The following SLCO5A1 variants were observed in gnomAD, a reference collection of about 807,000 sequenced individuals.
The protein encoded by SLCO5A1 is organic anion transporter polypeptide-related protein 4.
A neutral mutation model predicts 65.1 loss-of-function variants in SLCO5A1; 39 were observed. That is an observed-to-expected ratio of 0.60 (90% CI 0.46 to 0.78). SLCO5A1 has a LOEUF of 0.78. SLCO5A1 is among the 30% of genes least tolerant of loss of function. The pLI is 0.00. For missense variants in SLCO5A1, 1,029 were observed against 1,069.4 expected, an observed-to-expected ratio of 0.96 and a Z score of 0.53; for synonymous variants, 438 against 415.7, an observed-to-expected ratio of 1.05 and a Z score of -0.65.
At chr8:69,745,784 G>A (rs1339006803) in intron 4 of SLCO5A1, among the ~76,000 whole-genome samples, 1 of 151,948 alleles carries the variant, frequency 6.6e-6, no homozygotes, top group Non-Finnish European at 1.5e-5. Flanking sequence ...AAATGTTAGT[G>A]GAATTTAGTA....
intron 8 of SLCO5A1, among the ~76,000 whole-genome samples, chr8:69,678,494 GCA>G (rs1354499896): frequency 6.6e-6 from 1 of 152,168 alleles, no homozygotes; most frequent in Non-Finnish European, 1.5e-5. Flanking sequence ...TTAGATGAAT[GCA>G]CACTTACACG....
At chr8:69,784,815 G>A (rs867461965) in intron 2 of SLCO5A1, among the ~76,000 whole-genome samples, 108 of 63,450 alleles carry the variant, frequency 1.7e-3, no homozygotes, top group African/African-American at 4.6e-3. Flanking sequence ...GAAAGAAAAA[G>A]AAAGAAAGAA....
At chr8:69,776,953 T>C (rs1032611535) in intron 2 of SLCO5A1, among the ~76,000 whole-genome samples, 7 of 152,204 alleles carry the variant, frequency 4.6e-5, no homozygotes, top group Non-Finnish European at 4.4e-5. Flanking sequence ...TGTCATACCC[T>C]GCTAGTGGGA....
intron 5 of SLCO5A1, among the ~76,000 whole-genome samples, chr8:69,716,805 G>A (rs1815562581): frequency 6.7e-6 from 1 of 149,848 alleles, no homozygotes; most frequent in Non-Finnish European, 1.5e-5. Context: ...TTTAAGACAG[G>A]GCCTTGCTCT....
chr8:69,791,624 C>T (rs1436792970), intron 2 of SLCO5A1, among the ~76,000 whole-genome samples: 1 of 152,196 alleles, frequency 6.6e-6, no homozygotes, highest in Non-Finnish European at 1.5e-5. Flanking sequence ...GTGCCAGAGG[C>T]TGTGTTAGGC....
chr8:69,713,336 C>T (rs1397250774), intron 5 of SLCO5A1: 2 of 152,176 alleles, frequency 1.3e-5, no homozygotes, highest in Admixed American at 6.5e-5. Context: ...CATTGTAAGC[C>T]ATCATGACAT....
At chr8:69,721,139 C>T (rs1815795139) in intron 5 of SLCO5A1, among the ~76,000 whole-genome samples, 1 of 152,176 alleles carries the variant, frequency 6.6e-6, no homozygotes, top group Non-Finnish European at 1.5e-5. Context: ...CTTCCTCCTT[C>T]CTCCTTCCAT....
intron 2 of SLCO5A1, among the ~76,000 whole-genome samples, chr8:69,772,627 A>G (rs1818376634): frequency 6.6e-6 from 1 of 150,574 alleles, no homozygotes; most frequent in South Asian, 2.1e-4. Context: ...AGGAAAGGAA[A>G]GGAAAGGAAA....
At chr8:69,700,865 C>T (rs1454346819) in intron 6 of SLCO5A1, among the ~76,000 whole-genome samples, 2 of 151,530 alleles carry the variant, frequency 1.3e-5, no homozygotes, top group Non-Finnish European at 2.9e-5. Flanking sequence ...TAAAAAGTCT[C>T]CCAAGAAACC....
At chr8:69,779,373 G>A (rs1370323494) in intron 2 of SLCO5A1, among the ~76,000 whole-genome samples, 1 of 152,108 alleles carries the variant, frequency 6.6e-6, no homozygotes, top group Non-Finnish European at 1.5e-5. Flanking sequence ...ATAAAATTAT[G>A]CAAGGAAATC....
intron 3 of SLCO5A1, among the ~76,000 whole-genome samples, chr8:69,759,643 A>G (rs1817676013): frequency 6.6e-6 from 1 of 151,898 alleles, no homozygotes; most frequent in Non-Finnish European, 1.5e-5. Context: ...TCTCAATTTT[A>G]TTTATTTATT....
At chr8:69,735,421 A>C (rs970535140) in intron 5 of SLCO5A1, among the ~76,000 whole-genome samples, 1 of 152,214 alleles carries the variant, frequency 6.6e-6, no homozygotes, top group African/African-American at 2.4e-5. Context: ...AATCAACTCA[A>C]ATGCCCATCA....
chr8:69,768,464 C>T (rs1186903004), intron 2 of SLCO5A1, among the ~76,000 whole-genome samples: 1 of 152,182 alleles, frequency 6.6e-6, no homozygotes, highest in African/African-American at 2.4e-5. Context: ...TTGGTCATCT[C>T]AGGCTGCCAT....
chr8:69,796,643 C>A (rs1476271717), intron 2 of SLCO5A1, among the ~76,000 whole-genome samples: 1 of 149,860 alleles, frequency 6.7e-6, no homozygotes, highest in African/African-American at 2.5e-5. Flanking sequence ...TATATATACA[C>A]ACACACATAT....
At chr8:69,677,259 A>T (rs1195905534) in intron 8 of SLCO5A1, among the ~76,000 whole-genome samples, 1 of 152,236 alleles carries the variant, frequency 6.6e-6, no homozygotes, top group Non-Finnish European at 1.5e-5. Flanking sequence ...ACTCCAAGTT[A>T]TTCCCATGTG....
At chr8:69,803,546 A>G (rs1023422221) in intron 2 of SLCO5A1, among the ~76,000 whole-genome samples, 1 of 152,192 alleles carries the variant, frequency 6.6e-6, no homozygotes, top group South Asian at 2.1e-4. Flanking sequence ...AAACAAAAAA[A>G]CACGGAGCCT....
At chr8:69,758,960 T>G (rs1817641146) in intron 3 of SLCO5A1, among the ~76,000 whole-genome samples, 1 of 152,216 alleles carries the variant, frequency 6.6e-6, no homozygotes, top group African/African-American at 2.4e-5. Flanking sequence ...ACTCTGAGGC[T>G]AATGGAAAAT....
intron 5 of SLCO5A1, among the ~76,000 whole-genome samples, chr8:69,731,820 A>C (rs1169752661): frequency 1.3e-5 from 2 of 152,216 alleles, no homozygotes; most frequent in African/African-American, 4.8e-5. Flanking sequence ...CTCCTCTCTC[A>C]GAGCCACCAT....
chr8:69,735,203 C>T (rs571257443), intron 5 of SLCO5A1, among the ~76,000 whole-genome samples: 10 of 152,292 alleles, frequency 6.6e-5, no homozygotes, highest in Admixed American at 5.2e-4. Flanking sequence ...GAAATAGGAA[C>T]GCTTTTACAC....
Sources: gnomAD v4.1 joint callset for allele counts (sites outside exome capture counted in the v4.1 genomes callset) on GRCh38, gnomAD v4.1.1 for gene constraint, MANE v1.5 for transcripts, NCBI Gene and HGNC (gene_info 2026-07-23, HGNC 2026-07-21) for gene names.